Variants in MRS2 observed in about 807,000 individuals in gnomAD.
The protein encoded by MRS2 is magnesium transporter MRS2 homolog, mitochondrial.
MRS2 carries 40 observed loss-of-function variants against 52.6 expected under a neutral mutation model. The observed-to-expected ratio is 0.76, with a 90% confidence interval of 0.59 to 0.99. The LOEUF is 0.99. MRS2 is among the 50% of genes least tolerant of loss of function. The pLI is 0.00. For synonymous variants in MRS2, 193 were observed against 195.9 expected, an observed-to-expected ratio of 0.98 and a Z score of 0.13; for missense variants, 472 against 532.7, an observed-to-expected ratio of 0.89 and a Z score of 1.12.
chr6:24,423,662 G>C lies in MRS2; in HGVS notation c.1300G>C (p.Gly434Arg), dbSNP rs1168046418. The C allele has an allele frequency of 6.8e-6, 11 of 1,610,644 alleles. No individual in the cohort carries two copies. Among genetic ancestry groups the C allele is most frequent in the Non-Finnish European group, 9.3e-6 (11 of 1,177,338 alleles). ...AAATAGCCTCAGACTGGATGGACTT[G>C]GATCAGGAAGGAGCATCCTAACAAA... ...LKNSLRLDGL[G>R]SGRSILTNR The change falls in exon 11 of 11, where the codon GGA (glycine) becomes CGA (arginine). Residue 434 changes from glycine (G) to arginine (R), a missense_variant. By Grantham distance (125) the Gly-to-Arg change is moderately radical (BLOSUM62 -2). Coordinates refer to ENST00000378386, the MANE Select transcript of MRS2 (RefSeq NM_020662.4).
At chr6:24,420,316 G>A (rs1056285) in intron 9 of MRS2, among the ~76,000 whole-genome samples, 12,797 of 152,164 alleles carry the variant, frequency 0.084, 626 homozygotes, top group African/African-American at 0.13. Flanking sequence ...TGTCGTCTGC[G>A]CCCAAATAAT....
intron 7 of MRS2, among the ~76,000 whole-genome samples, chr6:24,417,378 C>T (rs1004012935): frequency 2.0e-5 from 3 of 152,200 alleles, no homozygotes; most frequent in African/African-American, 4.8e-5. Context: ...ATTATGTACA[C>T]ACCTCAAAAG....
chr6:24,403,154 T>C lies in MRS2; in HGVS notation c.108T>C (p.Val36=), dbSNP rs762340811. 2.5e-6 allele frequency: 4 copies of C among 1,610,326 alleles called. No individual in the cohort carries two copies. The highest frequency in any genetic ancestry group is 1.7e-4 in the Middle Eastern group (1 of 6,050). ...ACGTGACCTCTGTGGGTCCTCCCGT[T>C]GCTGCCTGCGGCCGCCGAGCCAACC... ...ALDVTSVGPP[V]AACGRRANLI... is the part of the protein sequence containing the mutation. Residue 36 remains valine, a synonymous_variant, in exon 1 of 11, where the codon GTT becomes GTC. Transcript: ENST00000378386.
intron 7 of MRS2, 70 bp from the exon 8 acceptor site, chr6:24,418,014 G>A (rs891279601): frequency 2.3e-6 from 3 of 1,286,830 alleles, no homozygotes; most frequent in Admixed American, 4.8e-5. Flanking sequence ...ACTAATTTAG[G>A]AAGTTTTTGT....
intron 9 of MRS2, 144 bp downstream of exon 9, chr6:24,418,722 A>C: frequency 1.7e-6 from 1 of 603,714 alleles, no homozygotes; most frequent in Non-Finnish European, 3.0e-6. Flanking sequence ...AACATGGCGA[A>C]ACCCTGTCTC....
At chr6:24,407,382 G>GT (rs1328847437) in intron 2 of MRS2, among the ~76,000 whole-genome samples, 1 of 152,098 alleles carries the variant, frequency 6.6e-6, no homozygotes, top group East Asian at 1.9e-4. Context: ...TATATTGTGA[G>GT]TTTTTATTGT....
chr6:24,419,347 A>G (rs906579921), intron 9 of MRS2: 3 of 152,254 alleles, frequency 2.0e-5, no homozygotes, highest in Non-Finnish European at 4.4e-5. Context: ...GTTATAACCT[A>G]GATAAATACA....
chr6:24,420,538 G>C (rs1428454107), intron 9 of MRS2, among the ~76,000 whole-genome samples: 1 of 152,204 alleles, frequency 6.6e-6, no homozygotes, highest in Non-Finnish European at 1.5e-5. Context: ...TTAGCAGTGA[G>C]TCTGCCCTTG....
chr6:24,409,566 G>A lies in MRS2; in HGVS notation c.407G>A (p.Arg136Lys). The A allele has an allele frequency of 6.5e-7, 1 of 1,546,812 alleles. No individual in the cohort carries two copies. Among genetic ancestry groups the A allele is most frequent in the African/African-American group, 1.4e-5 (1 of 73,198 alleles). The stretch of plus-strand genomic sequence containing the variant: ...GTCAGAAACAATAGGATTATCATGA[G>A]AATGGAGGTAAAATATTTTATTTTC... ...ITVRNNRIIMRMEYLKAVITP... is the reference protein window; with the variant it reads ...ITVRNNRIIMKMEYLKAVITP... The change falls in exon 4 of 11, where the codon AGA becomes AAA. Residue 136 changes from arginine (R) to lysine (K), a missense_variant. Arg to Lys is a conservative substitution (Grantham distance 26). Transcript: ENST00000378386.
intron 9 of MRS2, chr6:24,419,128 T>G (rs1761961040): frequency 6.5e-6 from 1 of 154,560 alleles, no homozygotes; most frequent in East Asian, 1.9e-4. Flanking sequence ...TCCCAGCTAC[T>G]CCGGAGGCTG....
intron 5 of MRS2, among the ~76,000 whole-genome samples, chr6:24,414,152 T>A (rs116315297): frequency 0.015 from 2,247 of 152,172 alleles, 16 homozygotes; most frequent in African/African-American, 0.028. Context: ...CTTTTTTTTT[T>A]AAATTTTTTT....
At chr6:24,423,303 T>C (rs1473544646) in intron 10 of MRS2, 1 of 480,558 alleles carries the variant, frequency 2.1e-6, no homozygotes, top group Non-Finnish European at 3.7e-6. Flanking sequence ...ATATAATTTG[T>C]GTAGAACTCT....
intron 6 of MRS2, among the ~76,000 whole-genome samples, chr6:24,416,023 A>G (rs73384221): frequency 0.042 from 6,389 of 152,106 alleles, 452 homozygotes; most frequent in African/African-American, 0.14. Context: ...CTTAACCTTC[A>G]GCAATCCTCC....
At position 24,408,445 on chromosome 6, in the gene MRS2, G is replaced by A; in HGVS notation, c.301+1G>A. ...AAACAGGGAAACGTTACTTCTTTTG[G>A]TGAGTGATTAGCATTCTAAATCATT... On this transcript the variant is annotated splice_donor_variant, in intron 3 of 10. Transcript: ENST00000378386. LOFTEE classifies it high-confidence loss of function. 3 of 1,578,098 alleles carry A rather than the reference G, an allele frequency of 1.9e-6. No homozygotes were observed. The highest frequency in any genetic ancestry group is 2.6e-6 in the Non-Finnish European group (3 of 1,148,872).
At position 24,402,942 on chromosome 6, in the gene MRS2, T is replaced by A. The variant is rs1761324418; in HGVS notation, c.-105T>A. The A allele has an allele frequency of 9.2e-7, 1 of 1,082,176 alleles. No homozygotes were observed. The highest frequency in any genetic ancestry group is 1.3e-6 in the Non-Finnish European group (1 of 766,974). 67.0% of individuals were successfully genotyped at this position (1,082,176 alleles called of 1,614,324 possible). On this transcript the variant is annotated 5_prime_UTR_variant, in exon 1 of 11. Transcript: ENST00000378386. ...CCCCGCGCATGCCTGGTGCACAGAGTCTGCAGGTCGGGCGGTAGCGACAGG... is the reference window on the plus strand; with the variant it reads ...CCCCGCGCATGCCTGGTGCACAGAGACTGCAGGTCGGGCGGTAGCGACAGG...
In MRS2 at chr6:24,415,110, A is replaced by G; in HGVS notation, c.666A>G (p.Lys222=). The change falls in exon 6 of 11, where the codon AAA becomes AAG. Residue 222 remains lysine, a synonymous_variant. Transcript: ENST00000378386. ...LETLDALVDP[K]HSSVDRSKLH... The stretch of plus-strand genomic sequence containing the variant: ...CCTTGGATGCTTTGGTGGACCCCAA[A>G]CATTCTTCTGTAGACAGAAGCAAAC... The G allele has an allele frequency of 6.2e-7, 1 of 1,611,660 alleles. No homozygotes were observed. Among genetic ancestry groups the G allele is most frequent in the Admixed American group, 1.7e-5 (1 of 59,988 alleles).
rs1762207721 is a variant in MRS2 at position 24,425,601 on chromosome 6, T to C, written c.*1907T>C. 2.6e-5 allele frequency: 4 copies of C among 152,212 alleles called. No individual in the cohort carries two copies. The highest frequency in any genetic ancestry group is 2.0e-4 in the Admixed American group (3 of 15,274). The allele number at this position is 152,212 out of a possible 1,614,324, so 9.4% of individuals were successfully genotyped here. A position where few individuals can be genotyped will look rare whatever the true frequency, so the allele number is the denominator to read the frequency against. On this transcript the variant is annotated 3_prime_UTR_variant, in exon 11 of 11. Coordinates refer to ENST00000378386, the MANE Select transcript of MRS2 (RefSeq NM_020662.4). ...TATGCCAAAAATATATGAAGTTCCT[T>C]GGTTTTAAATTTTGAACTAAAATGG...
At chr6:24,416,872 C>G (rs112239047) in intron 7 of MRS2, among the ~76,000 whole-genome samples, 2 of 152,046 alleles carry the variant, frequency 1.3e-5, no homozygotes, top group Admixed American at 1.3e-4. Flanking sequence ...GGTAAATACA[C>G]GAGTAACACA....
chr6:24,415,090 G>T lies in MRS2; in HGVS notation c.646G>T (p.Asp216Tyr). 1 of 1,611,946 alleles carries T rather than the reference G, an allele frequency of 6.2e-7. No individual in the cohort carries two copies. Among genetic ancestry groups the T allele is most frequent in the Non-Finnish European group, 8.5e-7 (1 of 1,178,388 alleles). Residue 216 changes from aspartate to tyrosine, a missense_variant, in exon 6 of 11, where the codon GAT (aspartate) becomes TAT (tyrosine). By Grantham distance (160) the Asp-to-Tyr change is radical. Transcript: ENST00000378386. ...GCAGCCACTGATCCTTGAGACCTTGGATGCTTTGGTGGACCCCAAACATTC... is the reference window on the plus strand; with the variant it reads ...GCAGCCACTGATCCTTGAGACCTTGTATGCTTTGGTGGACCCCAAACATTC... Reference protein sequence around the residue: ...ILQPLILETLDALVDPKHSSV... With the variant: ...ILQPLILETLYALVDPKHSSV...
Sources: gnomAD v4.1 joint callset for allele counts (sites outside exome capture counted in the v4.1 genomes callset) on GRCh38, gnomAD v4.1.1 for gene constraint, MANE v1.5 for transcripts, NCBI Gene and HGNC (gene_info 2026-07-23, HGNC 2026-07-21) for gene names.